Variants in SASH1 observed in about 807,000 individuals in gnomAD.
SASH1 encodes SAM and SH3 domain-containing protein 1.
In SASH1, 44 loss-of-function variants were observed where a neutral mutation model predicts 125.2. That is an observed-to-expected ratio of 0.35 (90% CI 0.28 to 0.45). The LOEUF is 0.45. SASH1 is among the 20% of genes least tolerant of loss of function. The pLI is 1.00. For missense variants in SASH1, 1,426 were observed against 1,614.5 expected, an observed-to-expected ratio of 0.88 and a Z score of 2.00; for synonymous variants, 639 against 649.1, an observed-to-expected ratio of 0.98 and a Z score of 0.24.
In SASH1 at chr6:148,495,576, C is replaced by G. The variant is rs1003850552; in HGVS notation, c.729+7861C>G. Among the ~76,000 whole-genome samples the G allele has an allele frequency of 6.6e-6, 1 of 152,108 alleles. No homozygotes were observed. Among genetic ancestry groups the G allele is most frequent in the South Asian group, 2.1e-4 (1 of 4,834 alleles). On this transcript the variant is annotated intron_variant, in intron 8 of 19. Coordinates refer to ENST00000367467, the MANE Select transcript of SASH1 (RefSeq NM_015278.5). The surrounding 1 kb of genome is among the most constrained non-coding windows in gnomAD (Gnocchi z 4.0). The stretch of plus-strand genomic sequence containing the variant: ...CATTAGCTTCATCATGTGGAAAAGT[C>G]TGACCGCAAAGATTTCTTTAATGGC...
At chr6:148,536,994 A>G (rs1436932300) in intron 16 of SASH1, among the ~76,000 whole-genome samples, 1 of 152,220 alleles carries the variant, frequency 6.6e-6, no homozygotes, top group Non-Finnish European at 1.5e-5. Flanking sequence ...AAGGTTCCAG[A>G]GTACCCATTA....
Position 148,425,303 on chromosome 6 carries a change from T to C in SASH1, c.286-14881T>C, listed in dbSNP as rs146755631. 2.2e-3 allele frequency among the ~76,000 whole-genome samples: 333 copies of C among 152,322 alleles called. 1 individual carries two copies. Among genetic ancestry groups the C allele is most frequent in the African/African-American group, 7.7e-3 (318 of 41,568 alleles). On this transcript the variant is annotated intron_variant, in intron 2 of 19. Coordinates refer to ENST00000367467, the MANE Select transcript of SASH1 (RefSeq NM_015278.5). The stretch of plus-strand genomic sequence containing the variant: ...AGATTTAAAATCTGTTATGTTTTCA[T>C]AAGAGATTTCACTGTGTCTGTTAAT...
chr6:148,281,106 CTT>C (rs34144143), intron 1 of SASH1, among the ~76,000 whole-genome samples: 2,281 of 69,344 alleles, frequency 0.033, 35 homozygotes, highest in East Asian at 0.13. Flanking sequence ...CCATGCCTAG[CTT>C]TTTTTTTTTT....
At chr6:148,413,230 A>C (rs545098784) in intron 2 of SASH1, among the ~76,000 whole-genome samples, 2 of 152,320 alleles carry the variant, frequency 1.3e-5, no homozygotes, top group South Asian at 4.1e-4. Context: ...GAGGGGACAT[A>C]GGAAAACTTT....
chr6:148,513,546 G>GCT (rs1780270545), intron 8 of SASH1: 3 of 985,508 alleles, frequency 3.0e-6, no homozygotes, highest in Non-Finnish European at 3.6e-6. Flanking sequence ...CTGCTGCAGA[G>GCT]AGAGATATTT....
chr6:148,508,731 A>C (rs1779943968), intron 8 of SASH1: 1 of 1,226,700 alleles, frequency 8.2e-7, no homozygotes, highest in African/African-American at 1.6e-5. Context: ...AACTCCAGAG[A>C]GACATGTTCC....
chr6:148,264,756 T>C, the SASH1 span, among the ~76,000 whole-genome samples: 1 of 152,248 alleles, frequency 6.6e-6, no homozygotes, highest in Non-Finnish European at 1.5e-5. Context: ...TCATATCCTT[T>C]GAGCTTAAAT....
chr6:148,419,237 T>C (rs970816984), intron 2 of SASH1, among the ~76,000 whole-genome samples: 1 of 152,180 alleles, frequency 6.6e-6, no homozygotes, highest in African/African-American at 2.4e-5. Flanking sequence ...ATATTTAAAA[T>C]CTGTACTGGG....
intron 1 of SASH1, among the ~76,000 whole-genome samples, chr6:148,292,933 T>A (rs966283251): frequency 2.6e-5 from 4 of 151,932 alleles, no homozygotes; most frequent in Non-Finnish European, 5.9e-5. Context: ...GTGCCTGTAA[T>A]CCCAGCTACT....
upstream of SASH1, among the ~76,000 whole-genome samples, chr6:148,270,133 G>A (rs1443324289): frequency 6.6e-6 from 1 of 152,246 alleles, no homozygotes; most frequent in Non-Finnish European, 1.5e-5. Context: ...AGGATGGACA[G>A]ACTAAGACCT....
chr6:148,523,320 T>G (rs1042899045), intron 10 of SASH1, among the ~76,000 whole-genome samples: 3 of 152,142 alleles, frequency 2.0e-5, no homozygotes, highest in Admixed American at 6.5e-5. Context: ...AAGGAGGAAA[T>G]GTACATGGCA....
chr6:148,400,434 C>T (rs1255497575), intron 2 of SASH1, among the ~76,000 whole-genome samples: 1 of 152,188 alleles, frequency 6.6e-6, no homozygotes, highest in Non-Finnish European at 1.5e-5. Flanking sequence ...TCCTGTACAC[C>T]GAAATGACTA....
At chr6:148,259,564 T>C in the SASH1 span, among the ~76,000 whole-genome samples, 1 of 152,228 alleles carries the variant, frequency 6.6e-6, no homozygotes, top group Non-Finnish European at 1.5e-5. Context: ...TCGCTGCCTG[T>C]CGCTGGGTGC....
At chr6:148,272,038 G>A (rs1395399610), upstream of SASH1, among the ~76,000 whole-genome samples, 1 of 152,070 alleles carries the variant, frequency 6.6e-6, no homozygotes, top group Non-Finnish European at 1.5e-5. Flanking sequence ...TGTTTCTGAG[G>A]GGTATTTGCA....
the SASH1 span, among the ~76,000 whole-genome samples, chr6:148,202,119 C>T: frequency 6.6e-6 from 1 of 151,852 alleles, no homozygotes; most frequent in Non-Finnish European, 1.5e-5. Flanking sequence ...TAGGCAAATG[C>T]TGGATTCAGT....
At chr6:148,332,217 G>A (rs1176879753) in intron 1 of SASH1, among the ~76,000 whole-genome samples, 1 of 152,112 alleles carries the variant, frequency 6.6e-6, no homozygotes, top group East Asian at 1.9e-4. Context: ...AAATGGTGTG[G>A]ATTTGTGATG....
intron 2 of SASH1, among the ~76,000 whole-genome samples, chr6:148,411,166 CAAAAAAAAAAAA>C (rs56342457): frequency 2.8e-4 from 13 of 46,176 alleles, no homozygotes; most frequent in East Asian, 5.7e-4. Flanking sequence ...ACTCCATCTC[CAAAAAAAAAAAA>C]AAAAAAAAAA....
intron 8 of SASH1, among the ~76,000 whole-genome samples, chr6:148,512,029 A>ATTTTTTTT (rs1473794919): frequency 6.9e-6 from 1 of 145,434 alleles, no homozygotes; most frequent in East Asian, 2.0e-4. Context: ...TTATTTATTT[A>ATTTTTTTT]TTTTTTTGAG....
At chr6:148,338,957 A>G (rs1781243076), upstream of SASH1, among the ~76,000 whole-genome samples, 1 of 147,324 alleles carries the variant, frequency 6.8e-6, no homozygotes, top group South Asian at 2.2e-4. Flanking sequence ...GTGAGCCGAA[A>G]TCGGGCCACT....
Sources: gnomAD v4.1 joint callset for allele counts (sites outside exome capture counted in the v4.1 genomes callset) on GRCh38, gnomAD v4.1.1 for gene constraint, Gnocchi (gnomAD v3.1) non-coding constraint, MANE v1.5 for transcripts, NCBI Gene and HGNC (gene_info 2026-07-23, HGNC 2026-07-21) for gene names.